The following HERC1 variants were observed in gnomAD, a reference collection of about 807,000 sequenced individuals.
HERC1 encodes the protein probable E3 ubiquitin-protein ligase HERC1.
Under a neutral mutation model 554.3 loss-of-function variants are expected in HERC1, and 160 were observed. The ratio of observed to expected loss-of-function variants is 0.29; its 90% CI spans 0.25 to 0.33. The LOEUF (loss-of-function observed/expected upper bound fraction) is 0.33, where lower values mean the gene tolerates loss of function less well. Ranked by LOEUF, HERC1 falls within the 10% of genes least tolerant of loss-of-function variation. HERC1 has a pLI of 1.00. For missense variants in HERC1, 4,919 were observed against 5,918.5 expected (o/e 0.83, Z 5.54); for synonymous variants, 2,175 against 2,131.7 (o/e 1.02, Z -0.56).
chr15:63,758,343 C>T lies in HERC1; in HGVS notation c.1053G>A (p.Ser351=), dbSNP rs767666840. Residue 351 remains serine (S), a synonymous_variant, in exon 4 of 78, where the codon TCG becomes TCA. Coordinates refer to ENST00000443617, the MANE Select transcript of HERC1 (RefSeq NM_003922.4). The surrounding 1 kb of genome is among the most constrained non-coding windows in gnomAD (Gnocchi z 4.0). Reference sequence around the variant, plus strand: ...TGCTATCTGGGCTAGCACATGTTCTCGAATAATCAGAAGCCATTCTGCAAA... The same window carrying T: ...TGCTATCTGGGCTAGCACATGTTCTTGAATAATCAGAAGCCATTCTGCAAA... ...EEVCRMASDY[S]RTCASPDSIQ... is the part of the protein sequence containing the mutation. 6.3e-7 allele frequency: 1 copy of T among 1,593,062 alleles called. No homozygotes were observed. The highest frequency in any genetic ancestry group is 8.6e-7 in the Non-Finnish European group (1 of 1,163,178).
intron 1 of HERC1, among the ~76,000 whole-genome samples, chr15:63,819,932 A>T (rs192515239): frequency 7.7e-4 from 118 of 152,322 alleles, no homozygotes; most frequent in African/African-American, 2.6e-3. Context: ...GTTTTACCCC[A>T]TAAGTTTAAA....
chr15:63,677,285 T>C lies in HERC1; in HGVS notation c.7070+560A>G, dbSNP rs2071261105. Reference sequence around the variant, plus strand: ...TGAATTCAAACACACCTAAATGCTTTTAAATACCCAGTTTGTGTTAAATAA... The same window carrying C: ...TGAATTCAAACACACCTAAATGCTTCTAAATACCCAGTTTGTGTTAAATAA... On this transcript the variant is annotated intron_variant, in intron 37 of 77. Coordinates refer to ENST00000443617, the MANE Select transcript of HERC1 (RefSeq NM_003922.4). This position sits in a 1 kb window ranked among gnomAD's most constrained non-coding sequence, Gnocchi z 4.4. Among the ~76,000 whole-genome samples the C allele has an allele frequency of 6.6e-6, 1 of 152,246 alleles. No homozygotes were observed.
At chr15:63,833,333 C>G (rs985839547) in intron 1 of HERC1, among the ~76,000 whole-genome samples, 1 of 152,240 alleles carries the variant, frequency 6.6e-6, no homozygotes, top group Non-Finnish European at 1.5e-5. Flanking sequence ...CCAGCCTCCA[C>G]CCCGCTAAAG....
intron 12 of HERC1, among the ~76,000 whole-genome samples, chr15:63,739,909 T>C (rs1350958019): frequency 6.6e-6 from 1 of 151,552 alleles, no homozygotes; most frequent in Non-Finnish European, 1.5e-5. Flanking sequence ...TCACTTAGCA[T>C]ATTTTATTTT....
chr15:63,638,284 G>T (rs2068875821), intron 63 of HERC1, 127 bp downstream of exon 63: 2 of 985,270 alleles, frequency 2.0e-6, no homozygotes, highest in African/African-American at 1.6e-5. Context: ...TATATATCAT[G>T]ACTTTCTTTA....
intron 12 of HERC1, among the ~76,000 whole-genome samples, chr15:63,737,359 A>G (rs2074554892): frequency 6.9e-6 from 1 of 144,392 alleles, no homozygotes; most frequent in South Asian, 2.2e-4. Flanking sequence ...AGATATATAT[A>G]TATCTTTTTT....
At chr15:63,789,219 T>G (rs2076554651) in intron 1 of HERC1, among the ~76,000 whole-genome samples, 1 of 144,166 alleles carries the variant, frequency 6.9e-6, no homozygotes, top group African/African-American at 2.5e-5. Context: ...GCCTCCCAAG[T>G]AGCTGGGACT....
intron 8 of HERC1, among the ~76,000 whole-genome samples, chr15:63,750,236 G>A (rs2075189976): frequency 6.6e-6 from 1 of 152,118 alleles, no homozygotes; most frequent in South Asian, 2.1e-4. Context: ...TTATTATTTA[G>A]TTTTAGAAAT....
intron 74 of HERC1, among the ~76,000 whole-genome samples, chr15:63,622,562 A>T (rs2068127445): frequency 3.3e-5 from 5 of 151,970 alleles, no homozygotes; most frequent in Admixed American, 3.3e-4. Flanking sequence ...TAAACTCCTG[A>T]TATCAGGTGA....
chr15:63,726,088 T>C (rs1359354934), intron 17 of HERC1, among the ~76,000 whole-genome samples: 1 of 152,132 alleles, frequency 6.6e-6, no homozygotes, highest in African/African-American at 2.4e-5. Context: ...TTCAAACAAT[T>C]CTCCTGTCTC....
chr15:63,731,395 C>T (rs1324244329), intron 14 of HERC1, among the ~76,000 whole-genome samples: 1 of 152,170 alleles, frequency 6.6e-6, no homozygotes, highest in East Asian at 1.9e-4. Flanking sequence ...TACCCAAAAG[C>T]AGTTAGTATT....
chr15:63,687,079 A>G (rs1415950056), intron 33 of HERC1, among the ~76,000 whole-genome samples: 1 of 152,212 alleles, frequency 6.6e-6, no homozygotes, highest in African/African-American at 2.4e-5. Context: ...CTTGTGTGTC[A>G]TATTGTTTGA....
At chr15:63,645,712 A>C (rs775305975) in intron 55 of HERC1, 30 bp from the exon 56 acceptor site, 12 of 1,317,158 alleles carry the variant, frequency 9.1e-6, no homozygotes, top group Non-Finnish European at 1.2e-5. Flanking sequence ...AAAAAAAATC[A>C]GAGTAATGTT....
rs776366114 is a variant in HERC1 at position 63,674,838 on chromosome 15, T to G, written c.7350A>C (p.Lys2450Asn). The G allele has an allele frequency of 9.3e-6, 15 of 1,613,840 alleles. No individual in the cohort carries two copies. Among genetic ancestry groups the G allele is most frequent in the Non-Finnish European group, 1.3e-5 (15 of 1,179,780 alleles). ...MRTGLTSDDV[K>N]SQSTTSSKSE... ...ATTTGGAGCTTGTGGTACTCTGACTTTTGACGTCATCAGATGTTAGGCCTG... is the reference window on the plus strand; with the variant it reads ...ATTTGGAGCTTGTGGTACTCTGACTGTTGACGTCATCAGATGTTAGGCCTG... Residue 2450 changes from lysine (K) to asparagine (N), a missense_variant, in exon 38 of 78, where the codon AAA (lysine) becomes AAC (asparagine). Around this residue, in one of 11 missense-constraint regions of HERC1, gnomAD observed 1,963 missense variants for 2,228.6 expected, o/e 0.88. Transcript: ENST00000443617.
At chr15:63,768,002 G>C (rs188725027) in intron 2 of HERC1, among the ~76,000 whole-genome samples, 1 of 151,580 alleles carries the variant, frequency 6.6e-6, no homozygotes, top group Non-Finnish European at 1.5e-5. Flanking sequence ...CTCCGTTATC[G>C]CCCCACCCCA....
chr15:63,652,363 T>C (rs1220485039), intron 52 of HERC1, 51 bp downstream of exon 52: 2 of 1,513,986 alleles, frequency 1.3e-6, no homozygotes, highest in East Asian at 2.4e-5. Context: ...AGATGAGGCA[T>C]GTTTAGGATT....
intron 1 of HERC1, among the ~76,000 whole-genome samples, chr15:63,792,434 A>T (rs2076679766): frequency 6.6e-6 from 1 of 152,106 alleles, no homozygotes; most frequent in Non-Finnish European, 1.5e-5. Context: ...GATATTACTG[A>T]CTTTTCAAAA....
intron 61 of HERC1, among the ~76,000 whole-genome samples, chr15:63,639,039 C>T (rs1011090693): frequency 2.0e-5 from 3 of 152,212 alleles, no homozygotes; most frequent in African/African-American, 7.2e-5. Flanking sequence ...TGAACACCCA[C>T]AGGTACAAGG....
chr15:63,804,540 C>G (rs1292084597), intron 1 of HERC1, among the ~76,000 whole-genome samples: 1 of 151,358 alleles, frequency 6.6e-6, no homozygotes, highest in South Asian at 2.1e-4. Flanking sequence ...GAGCCGAGAT[C>G]GTACCATTGC....
Sources: gnomAD v4.1 joint callset for allele counts (sites outside exome capture counted in the v4.1 genomes callset) on GRCh38, gnomAD v4.1.1 for gene constraint, gnomAD v4.1.1 regional missense constraint, Gnocchi (gnomAD v3.1) non-coding constraint, MANE v1.5 for transcripts, NCBI Gene and HGNC (gene_info 2026-07-23, HGNC 2026-07-21) for gene names.